Variants in ERBB4 observed in about 807,000 individuals in gnomAD.
ERBB4 encodes erb-b2 receptor tyrosine kinase 4, also known as receptor tyrosine-protein kinase erbB-4.
A neutral mutation model predicts 158.0 loss-of-function variants in ERBB4; 42 were observed. The observed-to-expected ratio is 0.27, with a 90% confidence interval of 0.21 to 0.34. The LOEUF is 0.34. ERBB4 is among the 10% of genes least tolerant of loss of function. The pLI is 1.00. For synonymous variants in ERBB4, 583 were observed against 558.7 expected, an observed-to-expected ratio of 1.04 and a Z score of -0.61; for missense variants, 1,333 against 1,624.1, an observed-to-expected ratio of 0.82 and a Z score of 3.08.
intron 3 of ERBB4, among the ~76,000 whole-genome samples, chr2:211,931,300 C>T (rs912222747): frequency 6.6e-6 from 1 of 151,988 alleles, no homozygotes; most frequent in African/African-American, 2.4e-5. Flanking sequence ...AGAATAAACA[C>T]ATTTTGTTAC....
intron 1 of ERBB4, among the ~76,000 whole-genome samples, chr2:212,421,089 T>G (rs2091781404): frequency 6.6e-6 from 1 of 152,146 alleles, no homozygotes; most frequent in Non-Finnish European, 1.5e-5. Flanking sequence ...AATGAAAATT[T>G]TTTAAAGCCT....
Position 211,986,258 on chromosome 2 carries a change from A to G in ERBB4, c.235-38642T>C, listed in dbSNP as rs78917717. Among the ~76,000 whole-genome samples the G allele has an allele frequency of 7.4e-3, 1,131 of 152,300 alleles. 15 individuals carry two copies. Among genetic ancestry groups the G allele is most frequent in the African/African-American group, 0.026 (1,075 of 41,554 alleles). ...TTCCAGTCTTCAGAACTGAGAGAAA[A>G]GAAATTTCTATGGTTTAAAGCTACT... On this transcript the variant is annotated intron_variant, in intron 2 of 27. Transcript: ENST00000342788.
intron 1 of ERBB4, among the ~76,000 whole-genome samples, chr2:212,518,130 A>G (rs1394340322): frequency 6.6e-6 from 1 of 152,066 alleles, no homozygotes; most frequent in Non-Finnish European, 1.5e-5. Context: ...ATGTCAATAG[A>G]TCTATTTAAT....
At chr2:211,536,408 A>G (rs1294353366) in intron 20 of ERBB4, among the ~76,000 whole-genome samples, 1 of 152,044 alleles carries the variant, frequency 6.6e-6, no homozygotes, top group African/African-American at 2.4e-5. Flanking sequence ...TCCTGACTCA[A>G]ACTGTGGACA....
rs990630407 is a variant in ERBB4 at position 212,156,306 on chromosome 2, A to G, written c.83-31403T>C. On this transcript the variant is annotated intron_variant, in intron 1 of 27. Coordinates refer to ENST00000342788, the MANE Select transcript of ERBB4 (RefSeq NM_005235.3). ...GCAGGAACAGAAACACCTGTCAGTCATGAATGACTTATTGACCCAGTTCAT... is the reference window on the plus strand; with the variant it reads ...GCAGGAACAGAAACACCTGTCAGTCGTGAATGACTTATTGACCCAGTTCAT... Among the ~76,000 whole-genome samples the G allele has an allele frequency of 2.6e-5, 4 of 152,078 alleles. No individual in the cohort carries two copies. In the South Asian group the frequency reaches 8.3e-4, roughly 31 times the overall value.
intron 2 of ERBB4, among the ~76,000 whole-genome samples, chr2:211,951,721 T>C (rs150844563): frequency 1.3e-4 from 20 of 152,226 alleles, no homozygotes; most frequent in African/African-American, 4.8e-4. Flanking sequence ...TAACTGAGGT[T>C]CTAGTGTCCA....
chr2:211,694,484 T>G (rs746602641), intron 12 of ERBB4, among the ~76,000 whole-genome samples: 2 of 152,022 alleles, frequency 1.3e-5, no homozygotes, highest in Non-Finnish European at 2.9e-5. Context: ...GATAAGAACA[T>G]AGTGAACATT....
chr2:211,653,463 C>G (rs1232201726), intron 16 of ERBB4, among the ~76,000 whole-genome samples: 1 of 140,500 alleles, frequency 7.1e-6, no homozygotes, highest in Non-Finnish European at 1.6e-5. Flanking sequence ...TCTTCCCCCC[C>G]GCCCCCCGCA....
intron 19 of ERBB4, among the ~76,000 whole-genome samples, chr2:211,600,451 T>A (rs559393555): frequency 1.6e-4 from 24 of 151,938 alleles, no homozygotes; most frequent in Non-Finnish European, 3.5e-4. Flanking sequence ...GGGATGCCAA[T>A]AATACAAAAG....
At chr2:212,373,237 G>A (rs558233541) in intron 1 of ERBB4, among the ~76,000 whole-genome samples, 18 of 152,186 alleles carry the variant, frequency 1.2e-4, no homozygotes, top group South Asian at 2.1e-4. Flanking sequence ...TAGGTAGAGA[G>A]TACAAAGTTT....
At position 212,305,210 on chromosome 2, in the gene ERBB4, A is replaced by C. The variant is rs951501208; in HGVS notation, c.83-180307T>G. Among the ~76,000 whole-genome samples, 5 of 151,436 alleles carry C rather than the reference A, an allele frequency of 3.3e-5. No individual in the cohort carries two copies. The East Asian group carries it at 9.8e-4, about 30-fold the overall frequency. On this transcript the variant is annotated intron_variant, in intron 1 of 27. Coordinates refer to ENST00000342788, the MANE Select transcript of ERBB4 (RefSeq NM_005235.3). ...TTAGCAGAACCAAATCTATTCCCTA[A>C]GTCATTACTCTTTTCGGAGAGCCAG... is the stretch of plus-strand genomic sequence containing the variant.
At chr2:211,604,824 T>G (rs1355322196) in intron 19 of ERBB4, among the ~76,000 whole-genome samples, 1 of 152,210 alleles carries the variant, frequency 6.6e-6, no homozygotes, top group African/African-American at 2.4e-5. Context: ...AGAAATACCT[T>G]AAAACCTTCA....
intron 1 of ERBB4, among the ~76,000 whole-genome samples, chr2:212,433,138 T>C (rs2092066318): frequency 6.6e-6 from 1 of 152,088 alleles, no homozygotes; most frequent in South Asian, 2.1e-4. Context: ...CACAATATTT[T>C]AGAAATTTTA....
chr2:212,015,090 A>T (rs2076493093), intron 2 of ERBB4, among the ~76,000 whole-genome samples: 1 of 60,594 alleles, frequency 1.7e-5, no homozygotes, highest in African/African-American at 7.4e-5. Context: ...ATATATATAT[A>T]TATATATATA....
In ERBB4 at chr2:211,413,527, TATC is replaced by T. The variant is rs533303781; in HGVS notation, c.3135+6911_3135+6913del. Among the ~76,000 whole-genome samples, 76 of 152,216 alleles carry T rather than the reference TATC, an allele frequency of 5.0e-4. 1 individual carries two copies. Among genetic ancestry groups the T allele is most frequent in the Non-Finnish European group, 8.2e-4 (56 of 68,002 alleles). On this transcript the variant is annotated intron_variant, in intron 25 of 27. Transcript: ENST00000342788. ...CCAATATCCTGAGACTACAATCATT[TATC>T]ATCAAGTAGCAGCCGTTGTTAGAAG...
intron 1 of ERBB4, among the ~76,000 whole-genome samples, chr2:212,225,932 T>C (rs1219769837): frequency 4.6e-5 from 7 of 152,110 alleles, no homozygotes. Flanking sequence ...CCCAGAAGTA[T>C]GTTATTTTCT....
intron 2 of ERBB4, among the ~76,000 whole-genome samples, chr2:212,004,093 G>T (rs1429062852): frequency 2.0e-5 from 3 of 152,054 alleles, no homozygotes; most frequent in African/African-American, 4.8e-5. Flanking sequence ...TGCATGGACT[G>T]CAGGAATATT....
chr2:211,872,149 G>GA (rs971585772), intron 3 of ERBB4, among the ~76,000 whole-genome samples: 4 of 152,238 alleles, frequency 2.6e-5, no homozygotes, highest in South Asian at 2.1e-4. Context: ...TTGCTCAAAT[G>GA]AAAAAATACA....
At chr2:211,802,429 C>A (rs562999467) in intron 3 of ERBB4, among the ~76,000 whole-genome samples, 1 of 152,250 alleles carries the variant, frequency 6.6e-6, no homozygotes, top group East Asian at 1.9e-4. Context: ...ATTTTGAGAA[C>A]TTAACTATTA....
Sources: gnomAD v4.1 joint callset for allele counts (sites outside exome capture counted in the v4.1 genomes callset) on GRCh38, gnomAD v4.1.1 for gene constraint, MANE v1.5 for transcripts, NCBI Gene and HGNC (gene_info 2026-07-23, HGNC 2026-07-21) for gene names.